CAMKMT: variants seen among roughly 807,000 people sequenced by gnomAD.
The protein encoded by CAMKMT is calmodulin-lysine N-methyltransferase.
In CAMKMT, 53 loss-of-function variants were observed where a neutral mutation model predicts 48.0. The ratio of observed to expected loss-of-function variants is 1.10; its 90% CI spans 0.89 to 1.39. The LOEUF (loss-of-function observed/expected upper bound fraction) is 1.39, where lower values mean the gene tolerates loss of function less well. CAMKMT is among the 40% of genes most tolerant of loss of function. The probability of loss-of-function intolerance (pLI) is 0.00; values close to 1 mark genes in which losing one functional copy is unlikely to be tolerated. For synonymous variants in CAMKMT, 165 were observed against 152.3 expected (o/e 1.08, Z -0.61); for missense variants, 428 against 402.7 (o/e 1.06, Z -0.54).
intron 3 of CAMKMT, among the ~76,000 whole-genome samples, chr2:44,547,604 T>C (rs1667475621): frequency 6.6e-6 from 1 of 152,006 alleles, no homozygotes; most frequent in Non-Finnish European, 1.5e-5. Context: ...TCATCACAGG[T>C]GTAAAAGTTA....
At chr2:44,753,443 A>AAGAAAACAAAGAAAAGAT (rs2104388540) in intron 8 of CAMKMT, among the ~76,000 whole-genome samples, 1 of 152,060 alleles carries the variant, frequency 6.6e-6, no homozygotes, top group African/African-American at 2.4e-5. Context: ...AAAGAAAAGA[A>AAGAAAACAAAGAAAAGAT]AAAAAACAAA....
At chr2:44,634,043 C>G (rs1672985602) in intron 3 of CAMKMT, among the ~76,000 whole-genome samples, 1 of 152,002 alleles carries the variant, frequency 6.6e-6, no homozygotes, top group African/African-American at 2.4e-5. Context: ...CTGAATGCCT[C>G]TGTTATTTAA....
At chr2:44,679,260 G>A (rs989045600) in intron 3 of CAMKMT, among the ~76,000 whole-genome samples, 1 of 152,078 alleles carries the variant, frequency 6.6e-6, no homozygotes, top group African/African-American at 2.4e-5. Context: ...TCAATATAGT[G>A]ATATTAAATT....
intron 3 of CAMKMT, among the ~76,000 whole-genome samples, chr2:44,518,269 G>A (rs182126447): frequency 3.3e-5 from 5 of 152,190 alleles, no homozygotes; most frequent in East Asian, 1.9e-4. Context: ...GGAAGGGGCC[G>A]TTATGGGTAG....
chr2:44,390,810 C>T (rs1234440317), intron 3 of CAMKMT, among the ~76,000 whole-genome samples: 1 of 152,060 alleles, frequency 6.6e-6, no homozygotes. Flanking sequence ...TACAATATTA[C>T]AGAATATATT....
At chr2:44,427,538 C>T (rs1684350869) in intron 3 of CAMKMT, among the ~76,000 whole-genome samples, 1 of 152,156 alleles carries the variant, frequency 6.6e-6, no homozygotes, top group South Asian at 2.1e-4. Flanking sequence ...GGCCAACAAA[C>T]ATGAAAAAAT....
At chr2:44,741,792 A>G (rs1165224878) in intron 7 of CAMKMT, among the ~76,000 whole-genome samples, 1 of 152,146 alleles carries the variant, frequency 6.6e-6, no homozygotes, top group South Asian at 2.1e-4. Context: ...TTAGACCCCT[A>G]TCTCTCCAGT....
At chr2:44,760,842 G>A (rs1401221763) in intron 9 of CAMKMT, among the ~76,000 whole-genome samples, 1 of 152,104 alleles carries the variant, frequency 6.6e-6, no homozygotes, top group African/African-American at 2.4e-5. Context: ...TATCCACCTG[G>A]AATCATCCAT....
At position 44,474,472 on chromosome 2, in the gene CAMKMT, A is replaced by G. The variant is rs1043556920; in HGVS notation, c.376+84167A>G. Among the ~76,000 whole-genome samples the G allele has an allele frequency of 2.0e-5, 3 of 151,968 alleles. No homozygotes were observed. The East Asian group carries it at 5.8e-4, about 29-fold the overall frequency. On this transcript the variant is annotated intron_variant, in intron 3 of 10. Transcript: ENST00000378494. ...AAAAAAAAAAAAAAAAAGAAAAAGA[A>G]AAAAGAAATGTAGTAAGTATCGAGA...
chr2:44,603,039 T>TAC (rs766242093), intron 3 of CAMKMT, among the ~76,000 whole-genome samples: 12 of 150,666 alleles, frequency 8.0e-5, no homozygotes, highest in East Asian at 1.9e-4. Context: ...AACCTATATA[T>TAC]ACACACACAC....
At chr2:44,720,045 A>G (rs1372980628) in intron 7 of CAMKMT, among the ~76,000 whole-genome samples, 1 of 152,234 alleles carries the variant, frequency 6.6e-6, no homozygotes, top group Non-Finnish European at 1.5e-5. Flanking sequence ...TGTTACTAAC[A>G]TAACACTGTT....
chr2:44,514,453 AAGCCT>A (rs1670735925), intron 3 of CAMKMT, among the ~76,000 whole-genome samples: 3 of 152,202 alleles, frequency 2.0e-5, no homozygotes, highest in Admixed American at 2.0e-4. Context: ...AGAACTAACC[AAGCCT>A]AGTGCTTCTT....
At chr2:44,459,038 AGGT>A (rs1667719660) in intron 3 of CAMKMT, among the ~76,000 whole-genome samples, 1 of 152,108 alleles carries the variant, frequency 6.6e-6, no homozygotes, top group Admixed American at 6.5e-5. Context: ...TTTGAGTTTT[AGGT>A]ACACTAACTT....
intron 3 of CAMKMT, among the ~76,000 whole-genome samples, chr2:44,517,103 G>A (rs914561801): frequency 2.6e-5 from 4 of 152,082 alleles, no homozygotes; most frequent in African/African-American, 7.2e-5. Context: ...TATTATAAAT[G>A]TGCATAAGTG....
intron 3 of CAMKMT, among the ~76,000 whole-genome samples, chr2:44,511,966 C>T (rs1260717212): frequency 6.6e-6 from 1 of 152,202 alleles, no homozygotes; most frequent in Non-Finnish European, 1.5e-5. Context: ...CTTGTAGCTC[C>T]TTGTAATTTC....
intron 3 of CAMKMT, among the ~76,000 whole-genome samples, chr2:44,655,379 C>A (rs1436151823): frequency 6.6e-6 from 1 of 152,170 alleles, no homozygotes; most frequent in African/African-American, 2.4e-5. Context: ...TCATTCTTTT[C>A]AAAGCCTGGA....
intron 3 of CAMKMT, among the ~76,000 whole-genome samples, chr2:44,664,477 T>A (rs1674850734): frequency 6.6e-6 from 1 of 152,244 alleles, no homozygotes; most frequent in Non-Finnish European, 1.5e-5. Flanking sequence ...ATAGAATAGA[T>A]GTGTAATAGA....
intron 3 of CAMKMT, among the ~76,000 whole-genome samples, chr2:44,629,704 C>G (rs1672700437): frequency 6.6e-6 from 1 of 152,082 alleles, no homozygotes; most frequent in African/African-American, 2.4e-5. Flanking sequence ...TGAAGGACCT[C>G]TTCAAGGAGA....
intron 10 of CAMKMT, among the ~76,000 whole-genome samples, chr2:44,768,277 GA>G (rs1259859837): frequency 2.0e-5 from 3 of 149,838 alleles, no homozygotes; most frequent in Non-Finnish European, 4.4e-5. Flanking sequence ...GGAGAGTGTA[GA>G]ACCCTAGGAG....
Sources: gnomAD v4.1 joint callset for allele counts (sites outside exome capture counted in the v4.1 genomes callset) on GRCh38, gnomAD v4.1.1 for gene constraint, MANE v1.5 for transcripts, NCBI Gene and HGNC (gene_info 2026-07-23, HGNC 2026-07-21) for gene names.